Variants in SUCLG2 observed in about 807,000 individuals in gnomAD.
The protein encoded by SUCLG2 is succinate--CoA ligase [GDP-forming] subunit beta, mitochondrial.
In SUCLG2, 42 loss-of-function variants were observed where a neutral mutation model predicts 47.9. The observed-to-expected ratio is 0.88, with a 90% CI of 0.69 to 1.14. The LOEUF is 1.14. Ranked by LOEUF, SUCLG2 falls within the 50% of genes most tolerant of loss-of-function variation. SUCLG2 has a pLI of 0.00. For missense variants in SUCLG2, 571 were observed against 525.9 expected (o/e 1.09, Z -0.84); for synonymous variants, 195 against 197.3 (o/e 0.99, Z 0.10).
chr3:67,389,935 G>C (rs1439152428), intron 10 of SUCLG2, among the ~76,000 whole-genome samples: 5 of 152,136 alleles, frequency 3.3e-5, no homozygotes, highest in African/African-American at 1.2e-4. Flanking sequence ...GGGAGAGTGA[G>C]GTGAAAACGG....
chr3:67,486,314 G>C (rs1350049470), intron 9 of SUCLG2, among the ~76,000 whole-genome samples: 4 of 151,990 alleles, frequency 2.6e-5, no homozygotes, highest in African/African-American at 9.7e-5. Flanking sequence ...AGGAAAGAAA[G>C]AGAAAGAAAA....
chr3:67,471,607 T>G (rs929469554), intron 9 of SUCLG2, among the ~76,000 whole-genome samples: 1 of 152,166 alleles, frequency 6.6e-6, no homozygotes, highest in Non-Finnish European at 1.5e-5. Context: ...GACCTAGCCT[T>G]CTCTGGGGGA....
chr3:67,397,435 TA>T (rs1393305482), intron 10 of SUCLG2, among the ~76,000 whole-genome samples: 1 of 151,944 alleles, frequency 6.6e-6, no homozygotes, highest in Non-Finnish European at 1.5e-5. Flanking sequence ...TCAAAGAGAA[TA>T]AAATACCTAG....
chr3:67,403,633 G>A (rs1024917500), intron 9 of SUCLG2, among the ~76,000 whole-genome samples: 4 of 152,156 alleles, frequency 2.6e-5, no homozygotes, highest in African/African-American at 7.2e-5. Context: ...GGGGAGAGGC[G>A]GTGATGCAGG....
chr3:67,567,838 T>C (rs1459271979), intron 2 of SUCLG2, among the ~76,000 whole-genome samples: 3 of 152,240 alleles, frequency 2.0e-5, no homozygotes, highest in Non-Finnish European at 4.4e-5. Flanking sequence ...TCTGTCTTTT[T>C]ATTCTTGTGA....
chr3:67,380,568 T>G (rs113906972), intron 10 of SUCLG2, among the ~76,000 whole-genome samples: 12 of 152,312 alleles, frequency 7.9e-5, no homozygotes, highest in African/African-American at 2.6e-4. Context: ...TGCTCAGAAC[T>G]AAGCAGTTTT....
At chr3:67,552,731 T>C (rs1359496941) in intron 2 of SUCLG2, among the ~76,000 whole-genome samples, 1 of 152,192 alleles carries the variant, frequency 6.6e-6, no homozygotes, top group Non-Finnish European at 1.5e-5. Flanking sequence ...TCTCATGGTT[T>C]ATTGGGAGAA....
intron 9 of SUCLG2, among the ~76,000 whole-genome samples, chr3:67,428,750 C>G (rs934923833): frequency 3.3e-5 from 5 of 152,018 alleles, no homozygotes; most frequent in African/African-American, 1.2e-4. Context: ...ATAGAGAAGA[C>G]CTTAAATGAC....
At chr3:67,588,133 A>C (rs1197390070) in intron 2 of SUCLG2, among the ~76,000 whole-genome samples, 1 of 152,222 alleles carries the variant, frequency 6.6e-6, no homozygotes, top group Admixed American at 6.5e-5. Flanking sequence ...ATAAAAATGA[A>C]AATATCATGC....
At chr3:67,449,866 G>A (rs1248260244) in intron 9 of SUCLG2, among the ~76,000 whole-genome samples, 2 of 152,094 alleles carry the variant, frequency 1.3e-5, no homozygotes, top group Non-Finnish European at 2.9e-5. Context: ...CACCTGCATG[G>A]CCTCCAAAAG....
In SUCLG2 at chr3:67,450,280, G is replaced by A. The variant is rs28667615; in HGVS notation, c.1062+45518C>T. Reference sequence around the variant, plus strand: ...TGATCTCGAACACCTGGGCTGAAGCGATCCTGTCACCTCAGCCTCCTGAGT... The same window carrying A: ...TGATCTCGAACACCTGGGCTGAAGCAATCCTGTCACCTCAGCCTCCTGAGT... On this transcript the variant is annotated intron_variant, in intron 9 of 10. Transcript: ENST00000307227. 3.0e-3 allele frequency among the ~76,000 whole-genome samples: 455 copies of A among 152,218 alleles called. 2 individuals carry two copies. The highest frequency in any genetic ancestry group is 0.01 in the African/African-American group (428 of 41,548).
chr3:67,485,799 T>G (rs1705035711), intron 9 of SUCLG2, among the ~76,000 whole-genome samples: 1 of 152,232 alleles, frequency 6.6e-6, no homozygotes, highest in Non-Finnish European at 1.5e-5. Context: ...GTTGAAAAAC[T>G]AAAATTTCCT....
chr3:67,642,918 C>G (rs59741741), intron 1 of SUCLG2, among the ~76,000 whole-genome samples: 12,222 of 146,586 alleles, frequency 0.083, 1,692 homozygotes, highest in African/African-American at 0.29. Context: ...GAAAAGGACT[C>G]TGTGTGTGTG....
chr3:67,620,004 T>C (rs1434076931), intron 1 of SUCLG2, among the ~76,000 whole-genome samples: 1 of 152,216 alleles, frequency 6.6e-6, no homozygotes, highest in Non-Finnish European at 1.5e-5. Flanking sequence ...AAGATTTATT[T>C]ATAGATAAAG....
chr3:67,640,287 T>C (rs149546735), intron 1 of SUCLG2, among the ~76,000 whole-genome samples: 3 of 152,332 alleles, frequency 2.0e-5, no homozygotes, highest in African/African-American at 4.8e-5. Context: ...AACAGCCATT[T>C]TGCAAAGTTA....
At chr3:67,404,227 G>A (rs1468134590) in intron 9 of SUCLG2, among the ~76,000 whole-genome samples, 2 of 152,104 alleles carry the variant, frequency 1.3e-5, no homozygotes, top group African/African-American at 4.8e-5. Context: ...TTGAAAGCAG[G>A]CTCCCTGAAA....
chr3:67,536,792 G>A (rs1282378850), intron 2 of SUCLG2, among the ~76,000 whole-genome samples: 1 of 152,094 alleles, frequency 6.6e-6, no homozygotes, highest in East Asian at 1.9e-4. Flanking sequence ...AAAAGTACCT[G>A]GAATCTTTGA....
intron 10 of SUCLG2, among the ~76,000 whole-genome samples, chr3:67,378,474 G>A (rs544386013): frequency 6.6e-6 from 1 of 152,320 alleles, no homozygotes; most frequent in South Asian, 2.1e-4. Context: ...ATGAGGAACT[G>A]AGGCTCTGGG....
chr3:67,442,740 C>T (rs1461441509), intron 9 of SUCLG2, among the ~76,000 whole-genome samples: 2 of 152,214 alleles, frequency 1.3e-5, no homozygotes, highest in African/African-American at 4.8e-5. Context: ...TAATCAACTG[C>T]TTGGCAAGCA....
Sources: gnomAD v4.1 joint callset for allele counts (sites outside exome capture counted in the v4.1 genomes callset) on GRCh38, gnomAD v4.1.1 for gene constraint, MANE v1.5 for transcripts, NCBI Gene and HGNC (gene_info 2026-07-23, HGNC 2026-07-21) for gene names.